Variants in EIF4B observed in about 807,000 individuals in gnomAD.
EIF4B encodes the protein eukaryotic translation initiation factor 4B.
EIF4B carries 8 observed loss-of-function variants against 79.3 expected under a neutral mutation model. The ratio of observed to expected loss-of-function variants is 0.10; its 90% CI spans 0.06 to 0.18. The LOEUF is 0.18. Among genes scored for constraint, EIF4B ranks in the 10% least tolerant of loss-of-function variants. The probability of loss-of-function intolerance (pLI) is 1.00; values close to 1 mark genes in which losing one functional copy is unlikely to be tolerated. For missense variants in EIF4B, 515 were observed against 792.4 expected (o/e 0.65, Z 4.20); for synonymous variants, 238 against 274.7 (o/e 0.87, Z 1.32).
At chr12:53,028,971 C>A (rs562881327) in intron 8 of EIF4B, among the ~76,000 whole-genome samples, 19 of 152,160 alleles carry the variant, frequency 1.2e-4, no homozygotes, top group Admixed American at 9.2e-4. Context: ...ACTAAAAATA[C>A]AAAAATTAGG....
Position 53,015,574 on chromosome 12 carries a change from TGAG to T in EIF4B, c.14-894_14-892del, listed in dbSNP as rs771254307. 1.9e-4 allele frequency among the ~76,000 whole-genome samples: 28 copies of T among 151,334 alleles called. No individual in the cohort carries two copies. The East Asian group carries it at 2.2e-3, about 12-fold the overall frequency. On this transcript the variant is annotated intron_variant, in intron 1 of 14. Coordinates refer to ENST00000262056, the MANE Select transcript of EIF4B (RefSeq NM_001417.7). ...AGTGTGCCTCTGTGGTCCCAGCTAT[TGAG>T]GAGGCTGTGGGAGGATCACATGAGC...
chr12:53,017,750 C>T (rs930332559), intron 2 of EIF4B, among the ~76,000 whole-genome samples: 4 of 152,156 alleles, frequency 2.6e-5, no homozygotes, highest in African/African-American at 4.8e-5. Context: ...CCCGCCACCG[C>T]GCCCAGCAAA....
At chr12:53,033,522 T>G (rs1001413270) in intron 8 of EIF4B, among the ~76,000 whole-genome samples, 2 of 150,594 alleles carry the variant, frequency 1.3e-5, no homozygotes, top group African/African-American at 4.9e-5. Flanking sequence ...TTTGTATTTT[T>G]AGTAGAGACG....
chr12:53,024,213 A>C (rs1943297452), intron 6 of EIF4B, among the ~76,000 whole-genome samples: 1 of 152,238 alleles, frequency 6.6e-6, no homozygotes, highest in Non-Finnish European at 1.5e-5. Flanking sequence ...ACTTTATTAA[A>C]ATACACAAAA....
chr12:53,022,948 A>C (rs1170189111), intron 6 of EIF4B, among the ~76,000 whole-genome samples: 2 of 152,112 alleles, frequency 1.3e-5, no homozygotes, highest in East Asian at 3.8e-4. Flanking sequence ...TGGATTGCTT[A>C]AGGCCAGGAG....
chr12:53,009,703 T>A (rs1304595746), intron 1 of EIF4B, among the ~76,000 whole-genome samples: 1 of 152,210 alleles, frequency 6.6e-6, no homozygotes, highest in East Asian at 1.9e-4. Flanking sequence ...CATTATATAT[T>A]GCTTACAGAT....
At chr12:53,037,304 G>T in intron 10 of EIF4B, 105 bp from the exon 11 acceptor site, 2 of 1,290,860 alleles carry the variant, frequency 1.5e-6, no homozygotes. Context: ...TCCATCTTTG[G>T]GAGCCAAAAC....
At chr12:53,016,293 G>A (rs527712836) in intron 1 of EIF4B, among the ~76,000 whole-genome samples, 180 bp from the exon 2 acceptor site, 4 of 152,240 alleles carry the variant, frequency 2.6e-5, no homozygotes, top group African/African-American at 9.6e-5. Flanking sequence ...TAGGTATTCT[G>A]CAACTTTTAA....
chr12:53,037,318 G>A (rs1943556140), intron 10 of EIF4B, 91 bp from the exon 11 acceptor site: 1 of 1,424,698 alleles, frequency 7.0e-7, no homozygotes, highest in African/African-American at 1.4e-5. Context: ...CCAAAACTTG[G>A]ATGTGGACCA....
intron 1 of EIF4B, among the ~76,000 whole-genome samples, chr12:53,009,864 T>C (rs4919714): frequency 0.8 from 121,502 of 152,156 alleles, 50,841 homozygotes; most frequent in Non-Finnish European, 0.93. Context: ...AGTAATGTCA[T>C]TGAAAAAAGA....
At chr12:53,037,125 CTT>C (rs1275641016) in intron 10 of EIF4B, among the ~76,000 whole-genome samples, 2 of 152,192 alleles carry the variant, frequency 1.3e-5, no homozygotes, top group African/African-American at 4.8e-5. Context: ...GGTCAAGACA[CTT>C]TTAACATTGA....
Position 53,019,026 on chromosome 12 carries a change from T to C in EIF4B, c.360+20T>C, listed in dbSNP as rs1396841965. On this transcript the variant is annotated intron_variant, in intron 3 of 14. Transcript: ENST00000262056. ...TTAAATGTAAGTGTAAAAGTTGTAA[T>C]AATTAACTAGATATTGAGGATAATG... 1.2e-6 allele frequency: 2 copies of C among 1,610,270 alleles called. No individual in the cohort carries two copies. Among genetic ancestry groups the C allele is most frequent in the African/African-American group, 2.7e-5 (2 of 74,794 alleles).
At chr12:53,038,569 C>T in intron 12 of EIF4B, 158 bp downstream of exon 12, 3 of 458,156 alleles carry the variant, frequency 6.5e-6, no homozygotes, top group Non-Finnish European at 1.1e-5. Flanking sequence ...AATCCCAGCA[C>T]TTTGGGAGGC....
At chr12:53,039,882 A>G (rs1330655277) in intron 14 of EIF4B, 180 bp downstream of exon 14, 2 of 794,090 alleles carry the variant, frequency 2.5e-6, no homozygotes, top group Non-Finnish European at 3.9e-6. Context: ...TAGCGAAAGA[A>G]GTTTAGCTTT....
intron 8 of EIF4B, among the ~76,000 whole-genome samples, chr12:53,030,936 C>T (rs1943433707): frequency 6.6e-6 from 1 of 152,118 alleles, no homozygotes. Context: ...CTCTCTCACA[C>T]TGTCCCTTAC....
At chr12:53,029,584 C>T (rs949057550) in intron 8 of EIF4B, among the ~76,000 whole-genome samples, 25 of 152,136 alleles carry the variant, frequency 1.6e-4, no homozygotes, top group Admixed American at 1.6e-3. Context: ...CCATGTTGGC[C>T]AGGCTGGTCT....
Position 53,016,455 on chromosome 12 carries a change from T to G in EIF4B, c.14-18T>G. The G allele has an allele frequency of 6.2e-7, 1 of 1,611,984 alleles. No homozygotes were observed. The highest frequency in any genetic ancestry group is 8.5e-7 in the Non-Finnish European group (1 of 1,179,782). ...CCTGAGTATTGGTGAATAATCTTTC[T>G]CTTGCCTTTTAAAACAGCAAAAAAG... On this transcript the variant is annotated intron_variant, in intron 1 of 14. Coordinates refer to ENST00000262056, the MANE Select transcript of EIF4B (RefSeq NM_001417.7).
rs2120999070 is a variant in EIF4B at position 53,041,101 on chromosome 12, CTTGAAACT to C, written c.*879_*886del. 6.6e-6 allele frequency: 1 copy of C among 152,164 alleles called. No homozygotes were observed. The highest frequency in any genetic ancestry group is 2.4e-5 in the African/African-American group (1 of 41,472). The allele number at this position is 152,164 out of a possible 1,614,324, so 9.4% of individuals were successfully genotyped here. A position where few individuals can be genotyped will look rare whatever the true frequency, so the allele number is the denominator to read the frequency against. ...GAATATATCCACATTCTATTGAAAC[CTTGAAACT>C]AAAAATTTAGACTCTTATCATCATC... On this transcript the variant is annotated 3_prime_UTR_variant, in exon 15 of 15. Transcript: ENST00000262056.
At chr12:53,017,360 G>C (rs1413441358) in intron 2 of EIF4B, among the ~76,000 whole-genome samples, 2 of 152,106 alleles carry the variant, frequency 1.3e-5, no homozygotes, top group African/African-American at 4.8e-5. Flanking sequence ...GAGTGTCCTT[G>C]GGTAAACGAA....
Sources: allele counts gnomAD v4.1 joint callset (sites outside exome capture counted in the v4.1 genomes callset), GRCh38; gene constraint gnomAD v4.1.1; transcripts MANE v1.5; gene names NCBI Gene and HGNC (gene_info 2026-07-23, HGNC 2026-07-21).